The following TCF7L2 variants were observed in gnomAD, a reference collection of about 807,000 sequenced individuals.
TCF7L2 encodes the protein transcription factor 7 like 2, also known as transcription factor 7-like 2.
TCF7L2 carries 23 observed loss-of-function variants against 77.9 expected under a neutral mutation model. The observed-to-expected ratio is 0.30, with a 90% CI of 0.21 to 0.42. TCF7L2 has a LOEUF of 0.42. TCF7L2 is among the 10% of genes least tolerant of loss of function. TCF7L2 has a pLI of 1.00. For synonymous variants in TCF7L2, 413 were observed against 340.2 expected (o/e 1.21, Z -2.36); for missense variants, 654 against 793.1 (o/e 0.82, Z 2.11).
At chr10:113,157,000 A>G (rs867289201) in intron 11 of TCF7L2, among the ~76,000 whole-genome samples, 31 of 152,246 alleles carry the variant, frequency 2.0e-4, no homozygotes, top group African/African-American at 7.2e-4. Context: ...GCATATGCTC[A>G]ACACATGTGA....
chr10:113,108,313 C>T (rs917966161), intron 5 of TCF7L2, among the ~76,000 whole-genome samples: 5 of 152,130 alleles, frequency 3.3e-5, no homozygotes, highest in African/African-American at 9.7e-5. Context: ...TCGCTTTTGT[C>T]CCTTCCCTGA....
At chr10:113,068,183 C>G (rs1289734400) in intron 5 of TCF7L2, among the ~76,000 whole-genome samples, 2 of 152,164 alleles carry the variant, frequency 1.3e-5, no homozygotes, top group Non-Finnish European at 2.9e-5. Context: ...TATAACTCTC[C>G]TTTCAAAAAA....
chr10:113,046,450 G>A lies in TCF7L2; in HGVS notation c.552+6324G>A, dbSNP rs905098904. 3.3e-5 allele frequency among the ~76,000 whole-genome samples: 5 copies of A among 152,114 alleles called. 1 individual carries two copies. Among genetic ancestry groups the A allele is most frequent in the Non-Finnish European group, 7.4e-5 (5 of 68,024 alleles). On this transcript the variant is annotated intron_variant, in intron 5 of 13. Transcript: ENST00000627217. ...TTTGGTACAATATGAACTCTTAAGAGAGTTCTACCTTTAGGGAGCTGCAGT... is the reference window on the plus strand; with the variant it reads ...TTTGGTACAATATGAACTCTTAAGAAAGTTCTACCTTTAGGGAGCTGCAGT...
intron 5 of TCF7L2, among the ~76,000 whole-genome samples, chr10:113,118,386 A>T (rs1465785722): frequency 6.6e-6 from 1 of 152,182 alleles, no homozygotes; most frequent in Non-Finnish European, 1.5e-5. Flanking sequence ...TGTGGATAGT[A>T]AGACTTATTT....
chr10:113,159,044 A>T (rs1215333992), intron 12 of TCF7L2, among the ~76,000 whole-genome samples: 1 of 151,932 alleles, frequency 6.6e-6, no homozygotes, highest in East Asian at 1.9e-4. Flanking sequence ...AATGGAAGGA[A>T]TTCAGTAATA....
intron 5 of TCF7L2, among the ~76,000 whole-genome samples, chr10:113,062,792 C>G (rs1168911030): frequency 2.0e-5 from 3 of 152,140 alleles, no homozygotes; most frequent in Non-Finnish European, 4.4e-5. Flanking sequence ...CCTGGGGTCT[C>G]TAGCCCAAGG....
At chr10:113,035,799 T>G (rs1489062534) in intron 4 of TCF7L2, among the ~76,000 whole-genome samples, 3 of 152,346 alleles carry the variant, frequency 2.0e-5, no homozygotes, top group South Asian at 4.1e-4. Flanking sequence ...GTAAATAAGC[T>G]TTTATTGGAG....
intron 4 of TCF7L2, among the ~76,000 whole-genome samples, chr10:113,010,298 GC>G (rs1415872198): frequency 6.6e-6 from 1 of 152,106 alleles, no homozygotes; most frequent in African/African-American, 2.4e-5. Context: ...ATGTATTAGG[GC>G]AGTGGTTCCC....
intron 8 of TCF7L2, among the ~76,000 whole-genome samples, chr10:113,148,030 T>G (rs1366533196): frequency 6.6e-6 from 1 of 152,202 alleles, no homozygotes; most frequent in Non-Finnish European, 1.5e-5. Context: ...ATAGGTCTAT[T>G]ATACTTATGG....
In TCF7L2 at chr10:113,097,282, C is replaced by CA. The variant is rs1320115964; in HGVS notation, c.553-43902_553-43901insA. ...GAAAGTAGGAGCAGCTTGTAACCAA[C>CA]CAGGGGGAAGTCCTGTGTGTAGGTT... On this transcript the variant is annotated intron_variant, in intron 5 of 13. Coordinates refer to ENST00000627217, the MANE Select transcript of TCF7L2 (RefSeq NM_001146274.2). 2.0e-5 allele frequency among the ~76,000 whole-genome samples: 3 copies of CA among 152,146 alleles called. No homozygotes were observed. The South Asian group carries it at 6.2e-4, about 32-fold the overall frequency.
chr10:112,985,937 C>T (rs1390275245), intron 4 of TCF7L2, among the ~76,000 whole-genome samples: 2 of 151,904 alleles, frequency 1.3e-5, no homozygotes, highest in Non-Finnish European at 2.9e-5. Context: ...CGCTACTTCA[C>T]TTGAAAGCTT....
chr10:113,139,544 G>A (rs2136766317), intron 5 of TCF7L2, among the ~76,000 whole-genome samples: 1 of 152,084 alleles, frequency 6.6e-6, no homozygotes, highest in South Asian at 2.1e-4. Context: ...TGCAAAATTG[G>A]TAGCACATAA....
At position 113,117,406 on chromosome 10, in the gene TCF7L2, T is replaced by C. The variant is rs994213105; in HGVS notation, c.553-23778T>C. Among the ~76,000 whole-genome samples the C allele has an allele frequency of 3.4e-4, 18 of 53,726 alleles. 1 individual carries two copies. The highest frequency in any genetic ancestry group is 7.6e-4 in the Admixed American group (4 of 5,238). 35.2% of individuals were successfully genotyped at this position (53,726 alleles called of 152,430 possible). A position where few individuals can be genotyped will look rare whatever the true frequency, so the allele number is the denominator to read the frequency against. The stretch of plus-strand genomic sequence containing the variant: ...CTCTCTCTCTCTCTCTCTCTCTCTC[T>C]CTCTCTCTCTCTCTCTCTCTCTCTC... On this transcript the variant is annotated intron_variant, in intron 5 of 13. Transcript: ENST00000627217.
chr10:113,103,747 C>T (rs2061939859), intron 5 of TCF7L2, among the ~76,000 whole-genome samples: 1 of 152,258 alleles, frequency 6.6e-6, no homozygotes, highest in East Asian at 1.9e-4. Flanking sequence ...CTGAGAGCAT[C>T]AAGTGTATAT....
chr10:113,089,437 A>G, intron 5 of TCF7L2: 1 of 1,613,826 alleles, frequency 6.2e-7, no homozygotes, highest in Non-Finnish European at 8.5e-7. Flanking sequence ...CATGACTGTC[A>G]GCACTTCTAC....
chr10:112,996,975 T>C (rs2043598933), intron 4 of TCF7L2, among the ~76,000 whole-genome samples: 1 of 152,274 alleles, frequency 6.6e-6, no homozygotes, highest in Non-Finnish European at 1.5e-5. Context: ...TGGAAAGTGA[T>C]GTTGGTGTGG....
At position 112,974,984 on chromosome 10, in the gene TCF7L2, C is replaced by CTTT. The variant is rs35180958; in HGVS notation, c.450+10368_450+10370dup. On this transcript the variant is annotated intron_variant, in intron 4 of 13. Coordinates refer to ENST00000627217, the MANE Select transcript of TCF7L2 (RefSeq NM_001146274.2). ...TGGTTGCTTCTTTTTTTTTCTTTTT[C>CTTT]TTTTTTTTTTACTGGTTTGCCTTGA... 9.1e-3 allele frequency among the ~76,000 whole-genome samples: 1,343 copies of CTTT among 147,298 alleles called. 25 individuals carry two copies. Among genetic ancestry groups the CTTT allele is most frequent in the African/African-American group, 0.032 (1,264 of 40,108 alleles).
chr10:113,137,613 T>A (rs2136705517), intron 5 of TCF7L2, among the ~76,000 whole-genome samples: 1 of 152,352 alleles, frequency 6.6e-6, no homozygotes, highest in Non-Finnish European at 1.5e-5. Flanking sequence ...AGATAGTGTC[T>A]GCAAGGGTAT....
chr10:113,089,610 AC>A, intron 5 of TCF7L2: 1 of 1,570,126 alleles, frequency 6.4e-7, no homozygotes, highest in Non-Finnish European at 8.6e-7. Context: ...CCCAAAGTTT[AC>A]CTCTCTCTAG....
Sources: gnomAD v4.1 joint callset for allele counts (sites outside exome capture counted in the v4.1 genomes callset) on GRCh38, gnomAD v4.1.1 for gene constraint, MANE v1.5 for transcripts, NCBI Gene and HGNC (gene_info 2026-07-23, HGNC 2026-07-21) for gene names.